The following ERCC8 variants were observed in gnomAD, a reference collection of about 807,000 sequenced individuals.
The protein encoded by ERCC8 is DNA excision repair protein ERCC-8.
ERCC8 carries 52 observed loss-of-function variants against 54.9 expected under a neutral mutation model. The ratio of observed to expected loss-of-function variants is 0.95; its 90% confidence interval spans 0.76 to 1.19. The LOEUF (loss-of-function observed/expected upper bound fraction) is 1.19, where lower values mean the gene tolerates loss of function less well. Ranked by LOEUF, ERCC8 falls within the 50% of genes most tolerant of loss-of-function variation. ERCC8 has a pLI of 0.00. For missense variants in ERCC8, 514 were observed against 466.1 expected, an observed-to-expected ratio of 1.10 and a Z score of -0.95; for synonymous variants, 146 against 157.2, an observed-to-expected ratio of 0.93 and a Z score of 0.53.
rs1747777088 is a variant in ERCC8 at position 60,867,423 on chromosome 5, T to C, written c.*7192A>G. ...GTGTGAGCCACTGCGCCTGGCCTTA[T>C]TTCTTTATAAAGCCATTACAATGAA... On this transcript the variant is annotated 3_prime_UTR_variant, in exon 12 of 12. Transcript: ENST00000676185. Among the ~76,000 whole-genome samples the C allele has an allele frequency of 6.6e-6, 1 of 152,150 alleles. No individual in the cohort carries two copies. Among genetic ancestry groups the C allele is most frequent in the Admixed American group, 6.5e-5 (1 of 15,270 alleles).
chr5:60,895,011 A>C (rs1748682922), intron 9 of ERCC8, among the ~76,000 whole-genome samples: 1 of 152,006 alleles, frequency 6.6e-6, no homozygotes, highest in Non-Finnish European at 1.5e-5. Flanking sequence ...TCTGCAAAAA[A>C]CACAAAAATA....
At chr5:60,876,516 T>C (rs1194500474) in intron 11 of ERCC8, among the ~76,000 whole-genome samples, 2 of 152,226 alleles carry the variant, frequency 1.3e-5, no homozygotes, top group East Asian at 3.8e-4. Flanking sequence ...ACTGTTCCTA[T>C]TTCTCCACAT....
chr5:60,910,821 G>A (rs1455680159), intron 4 of ERCC8, among the ~76,000 whole-genome samples: 1 of 152,050 alleles, frequency 6.6e-6, no homozygotes. Flanking sequence ...GTGAATGACA[G>A]TTTAAATGCT....
At chr5:60,909,191 A>C (rs1458671948) in intron 4 of ERCC8, among the ~76,000 whole-genome samples, 1 of 143,928 alleles carries the variant, frequency 6.9e-6, no homozygotes, top group Non-Finnish European at 1.5e-5. Flanking sequence ...CATCGAGGAC[A>C]AAGGATATCT....
At chr5:60,907,381 G>A (rs1282508848) in intron 4 of ERCC8, 4 of 136,614 alleles carry the variant, frequency 2.9e-5, no homozygotes, top group African/African-American at 1.1e-4. Flanking sequence ...TTGAGATGGA[G>A]TCGCTCTGTT....
intron 1 of ERCC8, among the ~76,000 whole-genome samples, chr5:60,929,530 T>C (rs900422965): frequency 6.6e-6 from 1 of 152,176 alleles, no homozygotes; most frequent in African/African-American, 2.4e-5. Context: ...AAGGATGCAG[T>C]GAGCCATAAT....
rs1321684240 is a variant in ERCC8 at position 60,873,291 on chromosome 5, T to C, written c.*1324A>G. 6.6e-6 allele frequency among the ~76,000 whole-genome samples: 1 copy of C among 151,992 alleles called. No homozygotes were observed. The highest frequency in any genetic ancestry group is 2.4e-5 in the African/African-American group (1 of 41,380). ...AAATACATACAATTTTATCTGCCAA[T>C]TGGAAAAAAAAATCAATTGTAAAAG... On this transcript the variant is annotated 3_prime_UTR_variant, in exon 12 of 12. Transcript: ENST00000676185.
At chr5:60,880,595 C>T (rs1748181804) in intron 11 of ERCC8, among the ~76,000 whole-genome samples, 1 of 152,186 alleles carries the variant, frequency 6.6e-6, no homozygotes, top group Admixed American at 6.5e-5. Context: ...AACTTCTCTT[C>T]TCACTTCATT....
intron 4 of ERCC8, among the ~76,000 whole-genome samples, chr5:60,914,750 G>A (rs1397566998): frequency 6.9e-6 from 1 of 144,122 alleles, no homozygotes; most frequent in Non-Finnish European, 1.5e-5. Flanking sequence ...TTGCGCCACT[G>A]CACTCTAGCT....
intron 1 of ERCC8, among the ~76,000 whole-genome samples, chr5:60,943,034 G>A (rs1750309744): frequency 6.6e-6 from 1 of 151,908 alleles, no homozygotes; most frequent in Admixed American, 6.5e-5. Flanking sequence ...ACTTTAGGAG[G>A]CAAAGGCAGG....
At chr5:60,912,127 A>G (rs1228787190) in intron 4 of ERCC8, among the ~76,000 whole-genome samples, 1 of 152,088 alleles carries the variant, frequency 6.6e-6, no homozygotes, top group Non-Finnish European at 1.5e-5. Flanking sequence ...AATTCTGTGA[A>G]GAAAGTCATT....
Position 60,883,677 on chromosome 5 carries a change from A to G in ERCC8, c.1122+3763T>C, listed in dbSNP as rs558673403. ...TTATACATTGACACAAGTGATATGTAAAACAGTTATGTATTGTGTGAATGT... is the reference window on the plus strand; with the variant it reads ...TTATACATTGACACAAGTGATATGTGAAACAGTTATGTATTGTGTGAATGT... On this transcript the variant is annotated intron_variant, in intron 11 of 11. Coordinates refer to ENST00000676185, the MANE Select transcript of ERCC8 (RefSeq NM_000082.4). Among the ~76,000 whole-genome samples the G allele has an allele frequency of 1.4e-4, 22 of 152,334 alleles. No homozygotes were observed. In the South Asian group the frequency reaches 4.6e-3, roughly 32 times the overall value.
chr5:60,872,718 A>G lies in ERCC8; in HGVS notation c.*1897T>C, dbSNP rs1747889358. 6.6e-6 allele frequency among the ~76,000 whole-genome samples: 1 copy of G among 152,224 alleles called. No homozygotes were observed. The highest frequency in any genetic ancestry group is 2.4e-5 in the African/African-American group (1 of 41,460). On this transcript the variant is annotated 3_prime_UTR_variant, in exon 12 of 12. Coordinates refer to ENST00000676185, the MANE Select transcript of ERCC8 (RefSeq NM_000082.4). ...GAATTCTTGCATATTCTTGGTAGGA[A>G]TGTAAATTAGTACAGCCATTATGGA...
At chr5:60,923,439 T>C (rs1014359028) in intron 2 of ERCC8, among the ~76,000 whole-genome samples, 1 of 152,094 alleles carries the variant, frequency 6.6e-6, no homozygotes, top group African/African-American at 2.4e-5. Flanking sequence ...TAAAATTGTC[T>C]AAAAATCATC....
At chr5:60,899,924 C>CA (rs369398341) in intron 7 of ERCC8, among the ~76,000 whole-genome samples, 197 bp from the exon 8 acceptor site, 129 of 142,162 alleles carry the variant, frequency 9.1e-4, no homozygotes, top group African/African-American at 1.6e-3. Context: ...GAGTAAATAG[C>CA]AAAAAAAAAA....
At chr5:60,902,354 G>T in intron 7 of ERCC8, 88 bp downstream of exon 7, 2 of 972,048 alleles carry the variant, frequency 2.1e-6, no homozygotes, top group Non-Finnish European at 3.2e-6. Context: ...AATTAAATAT[G>T]CTAAAATATA....
intron 2 of ERCC8, among the ~76,000 whole-genome samples, chr5:60,927,984 T>C (rs1749800778): frequency 1.3e-5 from 2 of 152,134 alleles, no homozygotes. Flanking sequence ...CTGGGGGAAA[T>C]GCTAAACATA....
intron 9 of ERCC8, among the ~76,000 whole-genome samples, chr5:60,896,903 A>G (rs1748739534): frequency 6.6e-6 from 1 of 152,196 alleles, no homozygotes; most frequent in African/African-American, 2.4e-5. Context: ...CTACTCTTCC[A>G]GAGTGATCCT....
chr5:60,879,355 G>C (rs1162427724), intron 11 of ERCC8, among the ~76,000 whole-genome samples: 1 of 152,184 alleles, frequency 6.6e-6, no homozygotes, highest in African/African-American at 2.4e-5. Context: ...GTTGATTTGG[G>C]GTGGAGAGTT....
Sources: allele counts gnomAD v4.1 joint callset (sites outside exome capture counted in the v4.1 genomes callset), GRCh38; gene constraint gnomAD v4.1.1; transcripts MANE v1.5; gene names NCBI Gene and HGNC (gene_info 2026-07-23, HGNC 2026-07-21).